SSB: variants seen among roughly 807,000 people sequenced by gnomAD.
The protein encoded by SSB is lupus La protein.
In SSB, 17 loss-of-function variants were observed where a neutral mutation model predicts 52.9. The ratio of observed to expected loss-of-function variants is 0.32; its 90% confidence interval spans 0.22 to 0.48. SSB has a LOEUF of 0.48. Among genes scored for constraint, SSB ranks in the 20% least tolerant of loss-of-function variants. The pLI, the probability that SSB is intolerant of heterozygous loss-of-function variation, is 0.99. For synonymous variants in SSB, 111 were observed against 152.1 expected, an observed-to-expected ratio of 0.73 and a Z score of 1.99; for missense variants, 314 against 463.6, an observed-to-expected ratio of 0.68 and a Z score of 2.96.
intron 2 of SSB, among the ~76,000 whole-genome samples, chr2:169,804,649 G>T (rs114962303): frequency 0.026 from 3,968 of 151,968 alleles, 79 homozygotes; most frequent in Non-Finnish European, 0.04. Context: ...GGTTTCAAAT[G>T]ATTCTTCTGC....
At chr2:169,799,219 C>T (rs541692092) in intron 1 of SSB, 1 of 150,302 alleles carries the variant, frequency 6.7e-6, no homozygotes, top group African/African-American at 2.4e-5. Flanking sequence ...TGGCTGGTGC[C>T]CAGGCAGTTC....
At chr2:169,800,866 G>T in intron 1 of SSB, 86 bp from the exon 2 acceptor site, 1 of 946,318 alleles carries the variant, frequency 1.1e-6, no homozygotes. Flanking sequence ...TAAGAAAACG[G>T]GATATTAATA....
chr2:169,808,681 C>T, intron 7 of SSB, 128 bp downstream of exon 7: 2 of 1,054,298 alleles, frequency 1.9e-6, no homozygotes, highest in Non-Finnish European at 2.8e-6. Context: ...AGATCTTAAG[C>T]TGCCTTGACA....
chr2:169,811,207 A>G lies in SSB; in HGVS notation c.1022A>G (p.Lys341Arg), dbSNP rs1244472114. Residue 341 changes from lysine (K) to arginine (R), a missense_variant, in exon 11 of 12, where the codon AAG becomes AGG. Transcript: ENST00000260956. ...SKGRRFKGKG[K>R]GNKAAQPGSG... ...GGTCGTAGATTTAAAGGAAAAGGAA[A>G]GGGTAATAAAGCTGCCCAGCCTGGG... 6.2e-7 allele frequency: 1 copy of G among 1,609,736 alleles called. No homozygotes were observed. Among genetic ancestry groups the G allele is most frequent in the Non-Finnish European group, 8.5e-7 (1 of 1,179,138 alleles).
chr2:169,806,797 A>C lies in SSB; in HGVS notation c.358A>C (p.Thr120Pro). The C allele has an allele frequency of 6.2e-7, 1 of 1,609,996 alleles. No individual in the cohort carries two copies. The highest frequency in any genetic ancestry group is 8.5e-7 in the Non-Finnish European group (1 of 1,178,906). Reference protein sequence around the residue: ...NRSVYIKGFPTDATLDDIKEW... With the variant: ...NRSVYIKGFPPDATLDDIKEW... ...CCACTCTTCACAGAAAGGCTTCCCA[A>C]CTGATGCAACTCTTGATGACATAAA... is the stretch of plus-strand genomic sequence containing the variant. The change falls in exon 5 of 12, where the codon ACT (threonine) becomes CCT (proline). Residue 120 changes from threonine to proline, a missense_variant. Coordinates refer to ENST00000260956, the MANE Select transcript of SSB (RefSeq NM_003142.5).
At chr2:169,806,142 T>C (rs1689825847) in intron 4 of SSB, 2 of 333,592 alleles carry the variant, frequency 6.0e-6, no homozygotes, top group Admixed American at 8.9e-5. Flanking sequence ...GGCAAAAAAT[T>C]TTTTGTAGAG....
At chr2:169,809,701 C>G (rs1689905565) in intron 8 of SSB, among the ~76,000 whole-genome samples, 2 of 151,984 alleles carry the variant, frequency 1.3e-5, no homozygotes. Context: ...CAAGCTCCAC[C>G]TCCCAGATTC....
In SSB at chr2:169,811,791, G is replaced by A; in HGVS notation, c.*35G>A. On this transcript the variant is annotated 3_prime_UTR_variant, in exon 12 of 12. Transcript: ENST00000260956. ...CCAATTTTTTATTCATTTTAAATAG[G>A]TTTTAAACGACTTTTGTTTGCGGGG... is the stretch of plus-strand genomic sequence containing the variant. 6.2e-7 allele frequency: 1 copy of A among 1,613,618 alleles called. No homozygotes were observed.
chr2:169,805,624 G>A (rs1689812520), intron 3 of SSB, 41 bp from the exon 4 acceptor site: 1 of 1,611,850 alleles, frequency 6.2e-7, no homozygotes, highest in South Asian at 1.1e-5. Flanking sequence ...TTTACAATGA[G>A]TGCTACTGCT....
intron 2 of SSB, among the ~76,000 whole-genome samples, chr2:169,803,411 G>A (rs1486250507): frequency 5.9e-5 from 9 of 151,976 alleles, no homozygotes; most frequent in Non-Finnish European, 8.8e-5. Flanking sequence ...CACCATGCCC[G>A]GCTAATTTTT....
chr2:169,803,400 C>T (rs769616776), intron 2 of SSB, among the ~76,000 whole-genome samples: 4 of 152,184 alleles, frequency 2.6e-5, no homozygotes, highest in Admixed American at 1.3e-4. Context: ...TAGGTGCACA[C>T]CACCATGCCC....
intron 1 of SSB, 121 bp from the exon 2 acceptor site, chr2:169,800,831 G>A (rs927919359): frequency 4.5e-6 from 3 of 664,410 alleles, no homozygotes; most frequent in African/African-American, 1.9e-5. Context: ...AACTGAACCC[G>A]TGAAAATAGA....
intron 6 of SSB, among the ~76,000 whole-genome samples, chr2:169,807,626 C>T (rs893859823): frequency 1.2e-4 from 18 of 151,020 alleles, no homozygotes; most frequent in Admixed American, 1.2e-3. Flanking sequence ...TGTTTTAATA[C>T]TGATTTTGCA....
chr2:169,800,734 A>C (rs908211222), intron 1 of SSB, among the ~76,000 whole-genome samples: 1 of 152,174 alleles, frequency 6.6e-6, no homozygotes, highest in Non-Finnish European at 1.5e-5. Context: ...TGATTTACTG[A>C]AAGACAAGTT....
chr2:169,806,707 A>C (rs1689836405), intron 4 of SSB, 78 bp from the exon 5 acceptor site: 2 of 1,218,490 alleles, frequency 1.6e-6, no homozygotes, highest in Non-Finnish European at 2.3e-6. Context: ...TTCAAGAAAA[A>C]ATGAATCAAA....
chr2:169,801,057 C>CA, intron 2 of SSB, 31 bp downstream of exon 2: 2 of 1,522,386 alleles, frequency 1.3e-6, no homozygotes, highest in Non-Finnish European at 1.8e-6. Context: ...ACTGCAAAAA[C>CA]AAGTTCCTTG....
In SSB at chr2:169,811,844, C is replaced by T. The variant is rs756961115; in HGVS notation, c.*88C>T. 9.9e-6 allele frequency: 16 copies of T among 1,613,434 alleles called. No homozygotes were observed. Among genetic ancestry groups the T allele is most frequent in the Middle Eastern group, 3.3e-4 (2 of 6,074 alleles). On this transcript the variant is annotated 3_prime_UTR_variant, in exon 12 of 12. Coordinates refer to ENST00000260956, the MANE Select transcript of SSB (RefSeq NM_003142.5). The stretch of plus-strand genomic sequence containing the variant: ...TTTAAAAGGAAAACCGAATTAGGTC[C>T]ACTTCAATGTCCACCTGTGAGAAAG...
Position 169,808,876 on chromosome 2 carries a change from CAA to C in SSB, c.646_647del (p.Lys216ValfsTer6). On this transcript the variant is annotated frameshift_variant, in exon 8 of 12. Transcript: ENST00000260956. LOFTEE classifies it high-confidence loss of function. ...TATTTGTAGGGAGCAAGAAGCAAAA[CAA>C]AAGTTAGAAGAAGATGCTGAAATGG... ...LRAKQEQEAK[Q>X]KLEEDAEMKS... 2 of 1,596,044 alleles carry C rather than the reference CAA, an allele frequency of 1.3e-6. No individual in the cohort carries two copies. Among genetic ancestry groups the C allele is most frequent in the Non-Finnish European group, 1.7e-6 (2 of 1,164,338 alleles).
chr2:169,803,298 C>T (rs1462656196), intron 2 of SSB, among the ~76,000 whole-genome samples: 1 of 151,964 alleles, frequency 6.6e-6, no homozygotes, highest in Non-Finnish European at 1.5e-5. Flanking sequence ...ACTCTTGTCT[C>T]CCAGGCTGGA....
Sources: allele counts gnomAD v4.1 joint callset (sites outside exome capture counted in the v4.1 genomes callset), GRCh38; gene constraint gnomAD v4.1.1; transcripts MANE v1.5; gene names NCBI Gene and HGNC (gene_info 2026-07-23, HGNC 2026-07-21).